Variants in KLHL29 observed in about 807,000 individuals in gnomAD.
The protein encoded by KLHL29 is kelch like family member 29.
Under a neutral mutation model 80.4 loss-of-function variants are expected in KLHL29, and 21 were observed. The observed-to-expected ratio is 0.26, with a 90% confidence interval of 0.19 to 0.38. The LOEUF (loss-of-function observed/expected upper bound fraction) is 0.38. Ranked by LOEUF, KLHL29 falls within the 10% of genes least tolerant of loss-of-function variation. The probability of loss-of-function intolerance (pLI) is 1.00; values close to 1 mark genes in which losing one functional copy is unlikely to be tolerated. For missense variants in KLHL29, 867 were observed against 1,223.9 expected (o/e 0.71, Z 4.35); for synonymous variants, 511 against 526.8 (o/e 0.97, Z 0.41).
intron 2 of KLHL29, among the ~76,000 whole-genome samples, chr2:23,543,454 G>A (rs573715937): frequency 2.4e-4 from 36 of 152,256 alleles, no homozygotes; most frequent in South Asian, 4.1e-4. Context: ...CAGTAGGTAG[G>A]GGGATATTGT....
At chr2:23,469,647 G>C (rs1047410714) in intron 1 of KLHL29, among the ~76,000 whole-genome samples, 13 of 152,250 alleles carry the variant, frequency 8.5e-5, no homozygotes, top group Non-Finnish European at 1.6e-4. Flanking sequence ...TCAACCTATG[G>C]TGTGAACATC....
At chr2:23,536,089 C>T (rs555666208) in intron 2 of KLHL29, among the ~76,000 whole-genome samples, 17 of 152,318 alleles carry the variant, frequency 1.1e-4, no homozygotes, top group African/African-American at 4.1e-4. Flanking sequence ...CAGAAGCCCT[C>T]TCTGACTGCC....
intron 3 of KLHL29, among the ~76,000 whole-genome samples, chr2:23,579,023 C>T (rs1405334770): frequency 6.6e-6 from 1 of 152,212 alleles, no homozygotes; most frequent in Non-Finnish European, 1.5e-5. Context: ...AGAACCCGTG[C>T]CCCCGCCAGT....
chr2:23,407,042 G>C (rs1461363045), intron 1 of KLHL29, among the ~76,000 whole-genome samples: 1 of 151,850 alleles, frequency 6.6e-6, no homozygotes, highest in African/African-American at 2.4e-5. Flanking sequence ...ACCTTGCATT[G>C]CTTCTCCCTT....
At chr2:23,586,836 A>G (rs1271136731) in intron 3 of KLHL29, among the ~76,000 whole-genome samples, 2 of 151,676 alleles carry the variant, frequency 1.3e-5, no homozygotes, top group Admixed American at 6.6e-5. Flanking sequence ...TTAGTTGTCT[A>G]AATGCTCTCT....
At chr2:23,556,129 C>T (rs1009105160) in intron 2 of KLHL29, among the ~76,000 whole-genome samples, 2 of 152,164 alleles carry the variant, frequency 1.3e-5, no homozygotes, top group African/African-American at 2.4e-5. Context: ...CTCTCTGCTC[C>T]CTGGAGGTGG....
intron 12 of KLHL29, 143 bp downstream of exon 12, chr2:23,703,522 C>A: frequency 9.3e-7 from 1 of 1,072,074 alleles, no homozygotes; most frequent in Non-Finnish European, 1.3e-6. Flanking sequence ...GTTGCCGAGC[C>A]CCCAGCTCAG....
In KLHL29 at chr2:23,634,574, C is replaced by T. The variant is rs577843; in HGVS notation, c.286-4565C>T. On this transcript the variant is annotated intron_variant, in intron 3 of 13. Coordinates refer to ENST00000486442, the MANE Select transcript of KLHL29 (RefSeq NM_052920.2). ...GTTCTAGTTTCTCCAGGAGACTCCC[C>T]CAGGTTCCCCCAGCTCCACAGAGGC... Among the ~76,000 whole-genome samples, 188 of 151,972 alleles carry T rather than the reference C, an allele frequency of 1.2e-3. 1 individual carries two copies. Among genetic ancestry groups the T allele is most frequent in the African/African-American group, 4.2e-3 (172 of 41,402 alleles).
rs1485667165 is a variant in KLHL29 at position 23,696,423 on chromosome 2, C to G, written c.2015C>G (p.Pro672Arg). 6.4e-7 allele frequency: 1 copy of G among 1,551,482 alleles called. No homozygotes were observed. The highest frequency in any genetic ancestry group is 1.2e-5 in the South Asian group (1 of 84,036). ...AACCTCGTCTCCAGAATGACAGTCC[C>G]CCGCTGTCGGCACAATAGCCTCGTC... Reference protein sequence around the residue: ...NWNLVSRMTVPRCRHNSLVYD... With the variant: ...NWNLVSRMTVRRCRHNSLVYD... Residue 672 changes from proline to arginine, a missense_variant, in exon 11 of 14, where the codon CCC becomes CGC. Physicochemically the swap from Pro to Arg is moderately radical, Grantham distance 103. This residue lies in a region of KLHL29 where 443 missense variants were observed against 767.0 expected (regional missense o/e 0.58). Coordinates refer to ENST00000486442, the MANE Select transcript of KLHL29 (RefSeq NM_052920.2). This position sits in a 1 kb window ranked among gnomAD's most constrained non-coding sequence, Gnocchi z 5.5.
At chr2:23,592,933 T>C (rs1668304556) in intron 3 of KLHL29, among the ~76,000 whole-genome samples, 1 of 152,190 alleles carries the variant, frequency 6.6e-6, no homozygotes. Flanking sequence ...TTTGGTTTTG[T>C]AGGTCTTTAA....
intron 2 of KLHL29, among the ~76,000 whole-genome samples, chr2:23,480,770 T>C (rs548918632): frequency 6.6e-6 from 1 of 152,350 alleles, no homozygotes; most frequent in East Asian, 1.9e-4. Context: ...ACCTTGGCTA[T>C]GTTGTACTAT....
intron 3 of KLHL29, among the ~76,000 whole-genome samples, chr2:23,620,107 G>T (rs1404395520): frequency 6.6e-6 from 1 of 152,138 alleles, no homozygotes; most frequent in Admixed American, 6.5e-5. Flanking sequence ...AGCGAGCCTC[G>T]GTGAGGGGGC....
intron 1 of KLHL29, among the ~76,000 whole-genome samples, chr2:23,387,989 A>G (rs1244740165): frequency 2.0e-5 from 3 of 152,232 alleles, no homozygotes; most frequent in Non-Finnish European, 4.4e-5. Flanking sequence ...ATGGAAATTT[A>G]TAGGTCTCCA....
At chr2:23,556,304 G>A (rs1667293962) in intron 2 of KLHL29, among the ~76,000 whole-genome samples, 1 of 152,120 alleles carries the variant, frequency 6.6e-6, no homozygotes, top group Admixed American at 6.5e-5. Flanking sequence ...CCCTCGCGGA[G>A]GCGCAGGCGT....
At chr2:23,391,229 TTTCC>T (rs1419200824) in intron 1 of KLHL29, among the ~76,000 whole-genome samples, 1 of 152,238 alleles carries the variant, frequency 6.6e-6, no homozygotes, top group Non-Finnish European at 1.5e-5. Flanking sequence ...TGGGACAGGC[TTTCC>T]TTCCTTTTTA....
At chr2:23,496,298 T>C (rs1235000024) in intron 2 of KLHL29, among the ~76,000 whole-genome samples, 2 of 152,222 alleles carry the variant, frequency 1.3e-5, no homozygotes, top group Admixed American at 6.5e-5. Flanking sequence ...GAATAAGATA[T>C]GTAACATTTA....
intron 1 of KLHL29, among the ~76,000 whole-genome samples, chr2:23,471,642 A>G (rs1664497781): frequency 1.3e-5 from 2 of 152,208 alleles, no homozygotes. Flanking sequence ...AAAATAAATT[A>G]GAGTCCTCTG....
At chr2:23,441,699 G>C (rs1230158555) in intron 1 of KLHL29, among the ~76,000 whole-genome samples, 2 of 152,264 alleles carry the variant, frequency 1.3e-5, no homozygotes, top group Admixed American at 6.5e-5. Context: ...AGTTGGAGCT[G>C]GCTGTTGACT....
intron 3 of KLHL29, among the ~76,000 whole-genome samples, chr2:23,626,438 GCCTGAGCTGA>G (rs1669310679): frequency 6.6e-6 from 1 of 152,220 alleles, no homozygotes; most frequent in Non-Finnish European, 1.5e-5. Flanking sequence ...TATTTTGGCA[GCCTGAGCTGA>G]CTAATGCAGT....
Sources: gnomAD v4.1 joint callset for allele counts (sites outside exome capture counted in the v4.1 genomes callset) on GRCh38, gnomAD v4.1.1 for gene constraint, gnomAD v4.1.1 regional missense constraint, Gnocchi (gnomAD v3.1) non-coding constraint, MANE v1.5 for transcripts, NCBI Gene and HGNC (gene_info 2026-07-23, HGNC 2026-07-21) for gene names.